The following HIPK4 variants were observed in gnomAD, a reference collection of about 807,000 sequenced individuals.
The protein encoded by HIPK4 is homeodomain-interacting protein kinase 4.
In HIPK4, 26 loss-of-function variants were observed where a neutral mutation model predicts 44.8. That is an observed-to-expected ratio of 0.58 (90% CI 0.43 to 0.80). HIPK4 has a LOEUF of 0.80. Ranked by LOEUF, HIPK4 falls within the 30% of genes least tolerant of loss-of-function variation. The pLI is 0.00. For missense variants in HIPK4, 729 were observed against 862.6 expected (o/e 0.85, Z 1.94); for synonymous variants, 340 against 355.5 (o/e 0.96, Z 0.49).
Position 40,384,120 on chromosome 19 carries a change from G to T in HIPK4, c.485C>A (p.Ala162Asp). 1 of 1,585,510 alleles carries T rather than the reference G, an allele frequency of 6.3e-7. No individual in the cohort carries two copies. Among genetic ancestry groups the T allele is most frequent in the Non-Finnish European group, 8.6e-7 (1 of 1,160,770 alleles). ...FRVKVIDFGS[A>D]SIFSEVRYVK... is the part of the protein sequence containing the mutation. ...GTAGCGCACCTCGCTGAAAATGCTG[G>T]CGGATCCGAAGTCAATCACCTGTCG... is the stretch of plus-strand genomic sequence containing the variant. Residue 162 changes from alanine (A) to aspartate (D), a missense_variant, in exon 2 of 4, where the codon GCC (alanine) becomes GAC (aspartate). Around this residue, in one of 2 missense-constraint regions of HIPK4, gnomAD observed 196 missense variants for 295.1 expected, o/e 0.66. Transcript: ENST00000291823.
At chr19:40,384,509 T>C (rs1170458510) in intron 1 of HIPK4, among the ~76,000 whole-genome samples, 2 of 152,104 alleles carry the variant, frequency 1.3e-5, no homozygotes, top group East Asian at 1.9e-4. Flanking sequence ...TTCACTATGT[T>C]GGCCAGGCTG....
At position 40,389,376 on chromosome 19, in the gene HIPK4, G is replaced by T; in HGVS notation, c.465+62C>A. On this transcript the variant is annotated intron_variant, in intron 1 of 3. Coordinates refer to ENST00000291823, the MANE Select transcript of HIPK4 (RefSeq NM_144685.5). The surrounding 1 kb of genome is among the most constrained non-coding windows in gnomAD (Gnocchi z 4.6). ...AAATTAAAAAAAAAATCTAGGGCTG[G>T]AAGAAGCTGGGAAAAAGACAAGGAA... 1 of 845,726 alleles carries T rather than the reference G, an allele frequency of 1.2e-6. No individual in the cohort carries two copies. Among genetic ancestry groups the T allele is most frequent in the Non-Finnish European group, 1.7e-6 (1 of 603,932 alleles). The allele number at this position is 845,726 out of a possible 1,614,324, so 52.4% of individuals were successfully genotyped here.
At position 40,380,787 on chromosome 19, in the gene HIPK4, C is replaced by CA. The variant is rs1353653636; in HGVS notation, c.1203dup (p.Ala402CysfsTer30). The CA allele has an allele frequency of 6.2e-7, 1 of 1,614,074 alleles. No homozygotes were observed. Among genetic ancestry groups the CA allele is most frequent in the Non-Finnish European group, 8.5e-7 (1 of 1,180,022 alleles). ...CTGCCGGCCACACTGCCCATACCCG[C>CA]AGCCTCCTTCTCCTCAGCCAGACAG... is the stretch of plus-strand genomic sequence containing the variant. On this transcript the variant is annotated frameshift_variant, in exon 3 of 4. Coordinates refer to ENST00000291823, the MANE Select transcript of HIPK4 (RefSeq NM_144685.5). LOFTEE classifies it high-confidence loss of function. This position sits in a 1 kb window ranked among gnomAD's most constrained non-coding sequence, Gnocchi z 4.2.
chr19:40,387,205 T>C (rs2079367144), intron 1 of HIPK4, among the ~76,000 whole-genome samples: 1 of 152,016 alleles, frequency 6.6e-6, no homozygotes, highest in Admixed American at 6.6e-5. Flanking sequence ...CACTTGCCTG[T>C]CTCTTGTCTC....
chr19:40,379,670 C>T lies in HIPK4; in HGVS notation c.1768G>A (p.Gly590Arg), dbSNP rs2079319949. The T allele has an allele frequency of 1.2e-5, 18 of 1,556,354 alleles. No homozygotes were observed. Among genetic ancestry groups the T allele is most frequent in the Non-Finnish European group, 1.6e-5 (18 of 1,153,818 alleles). Residue 590 changes from glycine to arginine, a missense_variant, in exon 4 of 4, where the codon GGG becomes AGG. By Grantham distance (125) the Gly-to-Arg change is moderately radical. Transcript: ENST00000291823. ...LESVRGPRAQ[G>R]LPPRRSHQHG... ...TGGTGGGAGCGGCGGGGTGGGAGCC[C>T]CTGAGCCCGTGGGCCCCTGACGCTC...
intron 1 of HIPK4, among the ~76,000 whole-genome samples, chr19:40,386,073 A>G (rs1401311173): frequency 6.6e-6 from 1 of 151,000 alleles, no homozygotes; most frequent in Non-Finnish European, 1.5e-5. Context: ...TTATTTTTTA[A>G]TTATTTATTT....
Position 40,383,940 on chromosome 19 carries a change from T to C in HIPK4, c.665A>G (p.Asp222Gly). 6.2e-7 allele frequency: 1 copy of C among 1,614,102 alleles called. No individual in the cohort carries two copies. Among genetic ancestry groups the C allele is most frequent in the Admixed American group, 1.7e-5 (1 of 60,002 alleles). The change falls in exon 2 of 4, where the codon GAC becomes GGC. Residue 222 changes from aspartate (D) to glycine (G), a missense_variant. This residue lies in a region of HIPK4 where 533 missense variants were observed against 567.5 expected (regional missense o/e 0.94). Coordinates refer to ENST00000291823, the MANE Select transcript of HIPK4 (RefSeq NM_144685.5). ...WPLYPGNNEY[D>G]QVRYICETQG... ...GGTTTCGCAGATGTAGCGCACCTGG[T>C]CGTACTCGTTGTTGCCGGGGTAGAG...
intron 3 of HIPK4, 144 bp from the exon 4 acceptor site, chr19:40,379,913 T>A: frequency 1.1e-6 from 1 of 874,898 alleles, no homozygotes; most frequent in Non-Finnish European, 1.7e-6. Context: ...TGTAGTGATG[T>A]GATGACAGCT....
rs574611791 is a variant in HIPK4 at position 40,383,879 on chromosome 19, G to A, written c.726C>T (p.Ala242=). 1 of 1,614,212 alleles carries A rather than the reference G, an allele frequency of 6.2e-7. No individual in the cohort carries two copies. Among genetic ancestry groups the A allele is most frequent in the South Asian group, 1.1e-5 (1 of 91,088 alleles). Residue 242 remains alanine, a synonymous_variant, in exon 2 of 4, where the codon GCC becomes GCT. Coordinates refer to ENST00000291823, the MANE Select transcript of HIPK4 (RefSeq NM_144685.5). ...GCTTGAAGAAGTGGTGGGCCTTGCAGGCGGCGTGCAACAGGTGTGGCTTGG... is the reference window on the plus strand; with the variant it reads ...GCTTGAAGAAGTGGTGGGCCTTGCAAGCGGCGTGCAACAGGTGTGGCTTGG... ...GLPKPHLLHA[A]CKAHHFFKRN... is the part of the protein sequence containing the mutation.
chr19:40,383,791 C>G lies in HIPK4; in HGVS notation c.814G>C (p.Glu272Gln). The stretch of plus-strand genomic sequence containing the variant: ...CCCAACTTTTCCCTTACCTTCGTCT[C>G]GGCCAGGTAGTCAGCCGAGGACTTG... The part of the protein sequence containing the change: ...QLKSSADYLA[E>Q]TKVRPLERRK... Residue 272 changes from glutamate to glutamine, a missense_variant, in exon 2 of 4, where the codon GAG becomes CAG. Coordinates refer to ENST00000291823, the MANE Select transcript of HIPK4 (RefSeq NM_144685.5). 5 of 1,604,796 alleles carry G rather than the reference C, an allele frequency of 3.1e-6. No individual in the cohort carries two copies. Among genetic ancestry groups the G allele is most frequent in the Non-Finnish European group, 4.3e-6 (5 of 1,173,194 alleles).
In HIPK4 at chr19:40,384,131, G is replaced by A; in HGVS notation, c.474C>T (p.Asp158=). 1 of 1,577,980 alleles carries A rather than the reference G, an allele frequency of 6.3e-7. No individual in the cohort carries two copies. Among genetic ancestry groups the A allele is most frequent in the African/African-American group, 1.3e-5 (1 of 74,576 alleles). Residue 158 remains aspartate, a synonymous_variant, in exon 2 of 4, where the codon GAC becomes GAT. Transcript: ENST00000291823. The stretch of plus-strand genomic sequence containing the variant: ...CGCTGAAAATGCTGGCGGATCCGAA[G>A]TCAATCACCTGTCGGGGGTGGGGAA... ...TRCPFRVKVI[D]FGSASIFSEV...
Position 40,380,913 on chromosome 19 carries a change from G to A in HIPK4, c.1078C>T (p.His360Tyr), listed in dbSNP as rs376803678. The change falls in exon 3 of 4, where the codon CAC (histidine) becomes TAC (tyrosine). Residue 360 changes from histidine (H) to tyrosine (Y), a missense_variant. By Grantham distance (83) the His-to-Tyr change is moderately conservative. Coordinates refer to ENST00000291823, the MANE Select transcript of HIPK4 (RefSeq NM_144685.5). The surrounding 1 kb of genome is among the most constrained non-coding windows in gnomAD (Gnocchi z 4.2). Reference protein sequence around the residue: ...QQLRSAHETTHYYQLSLRSYR... With the variant: ...QQLRSAHETTYYYQLSLRSYR... ...CTGCGCAGCGAGAGCTGGTAGTAGT[G>A]GGTGGTCTCGTGGGCACTGCGCAGC... 5 of 1,602,432 alleles carry A rather than the reference G, an allele frequency of 3.1e-6. No individual in the cohort carries two copies. Among genetic ancestry groups the A allele is most frequent in the Non-Finnish European group, 4.3e-6 (5 of 1,170,962 alleles).
intron 2 of HIPK4, among the ~76,000 whole-genome samples, chr19:40,382,249 G>A (rs1174722446): frequency 6.6e-6 from 1 of 152,056 alleles, no homozygotes; most frequent in Non-Finnish European, 1.5e-5. Context: ...AACTACCGGT[G>A]TGTGCCACCA....
At position 40,380,435 on chromosome 19, in the gene HIPK4, C is replaced by T. The variant is rs557953855; in HGVS notation, c.1556G>A (p.Arg519Gln). The change falls in exon 3 of 4, where the codon CGG becomes CAG. Residue 519 changes from arginine to glutamine, a missense_variant. Around this residue, in one of 2 missense-constraint regions of HIPK4, gnomAD observed 533 missense variants for 567.5 expected, o/e 0.94. Transcript: ENST00000291823. The surrounding 1 kb of genome is among the most constrained non-coding windows in gnomAD (Gnocchi z 4.2). ...QVSPEDDRPCRGSSWEEGEHL... is the reference protein window; with the variant it reads ...QVSPEDDRPCQGSSWEEGEHL... ...CTCTCCTTCCTCCCAGCTGCTGCCC[C>T]GGCAGGGCCTGTCATCCTCAGGCGA... The T allele has an allele frequency of 3.9e-5, 63 of 1,614,110 alleles. No homozygotes were observed. In the South Asian group the frequency reaches 5.6e-4, roughly 14 times the overall value.
At position 40,380,533 on chromosome 19, in the gene HIPK4, G is replaced by C. The variant is rs774733788; in HGVS notation, c.1458C>G (p.His486Gln). 3 of 1,611,900 alleles carry C rather than the reference G, an allele frequency of 1.9e-6. No homozygotes were observed. In the South Asian group the frequency reaches 3.3e-5, roughly 18 times the overall value. Residue 486 changes from histidine to glutamine, a missense_variant, in exon 3 of 4, where the codon CAC becomes CAG. Around this residue, in one of 2 missense-constraint regions of HIPK4, gnomAD observed 533 missense variants for 567.5 expected, o/e 0.94. Coordinates refer to ENST00000291823, the MANE Select transcript of HIPK4 (RefSeq NM_144685.5). The surrounding 1 kb of genome is among the most constrained non-coding windows in gnomAD (Gnocchi z 4.2). ...AFYSSRLAGR[H>Q]KARKPPAGSK... ...AACCCGCAGGTGGCTTGCGGGCCTT[G>C]TGGCGGCCTGCCAGGCGGCTGCTGT...
intron 2 of HIPK4, among the ~76,000 whole-genome samples, chr19:40,382,256 A>T (rs530066291): frequency 6.6e-6 from 1 of 152,186 alleles, no homozygotes; most frequent in East Asian, 1.9e-4. Flanking sequence ...GGTGTGTGCC[A>T]CCATGCCTGG....
chr19:40,381,782 TCC>T (rs1227591306), intron 2 of HIPK4, among the ~76,000 whole-genome samples: 1 of 124,802 alleles, frequency 8.0e-6, no homozygotes. Context: ...CTCACTCAGA[TCC>T]TTTTTTTTTT....
chr19:40,379,906 AGTGAT>A, intron 3 of HIPK4, 137 bp from the exon 4 acceptor site: 2 of 923,362 alleles, frequency 2.2e-6, no homozygotes, highest in Non-Finnish European at 3.1e-6. Flanking sequence ...GCCCCTTTGT[AGTGAT>A]GTGATGACAG....
At chr19:40,384,715 G>T (rs529721792) in intron 1 of HIPK4, among the ~76,000 whole-genome samples, 2 of 150,938 alleles carry the variant, frequency 1.3e-5, no homozygotes, top group African/African-American at 4.9e-5. Flanking sequence ...GGGTTCAAGT[G>T]ATTCTCCAGC....
Sources: allele counts gnomAD v4.1 joint callset (sites outside exome capture counted in the v4.1 genomes callset), GRCh38; gene constraint gnomAD v4.1.1; regional missense constraint gnomAD v4.1.1; non-coding constraint Gnocchi (gnomAD v3.1); transcripts MANE v1.5; gene names NCBI Gene and HGNC (gene_info 2026-07-23, HGNC 2026-07-21).